PTRH2: variants seen among roughly 807,000 people sequenced by gnomAD.
The protein encoded by PTRH2 is peptidyl-tRNA hydrolase 2.
In PTRH2, 10 loss-of-function variants were observed where a neutral mutation model predicts 12.3. The observed-to-expected ratio is 0.81, with a 90% CI of 0.50 to 1.38. The LOEUF (loss-of-function observed/expected upper bound fraction) is 1.38, where lower values mean the gene tolerates loss of function less well. Among genes scored for constraint, PTRH2 ranks in the 40% most tolerant of loss-of-function variants. The pLI, the probability that PTRH2 is intolerant of heterozygous loss-of-function variation, is 0.00. For missense variants in PTRH2, 176 were observed against 214.1 expected, an observed-to-expected ratio of 0.82 and a Z score of 1.11; for synonymous variants, 73 against 77.4, an observed-to-expected ratio of 0.94 and a Z score of 0.30.
At chr17:59,698,226 T>C in intron 1 of PTRH2, 1 of 514,382 alleles carries the variant, frequency 1.9e-6, no homozygotes, top group Non-Finnish European at 3.4e-6. Flanking sequence ...CGAAGTTGCA[T>C]AAAGTTCAAA....
At chr17:59,698,760 T>A (rs2033498867) in intron 1 of PTRH2, 1 of 658,176 alleles carries the variant, frequency 1.5e-6, no homozygotes, top group South Asian at 1.7e-5. Context: ...TACATTAGCC[T>A]ACAGTTGGAC....
chr17:59,704,930 G>A (rs1458179278), intron 1 of PTRH2, among the ~76,000 whole-genome samples: 3 of 152,116 alleles, frequency 2.0e-5, no homozygotes, highest in Non-Finnish European at 4.4e-5. Context: ...TGGGATTACA[G>A]GCACCCGCCA....
chr17:59,699,473 C>T (rs560043248), intron 1 of PTRH2: 1 of 154,068 alleles, frequency 6.5e-6, no homozygotes, highest in South Asian at 2.0e-4. Flanking sequence ...AGCGCTGGAA[C>T]CATCCATGAC....
chr17:59,698,134 C>G, intron 1 of PTRH2, 156 bp from the exon 2 acceptor site: 1 of 695,306 alleles, frequency 1.4e-6, no homozygotes, highest in Non-Finnish European at 2.4e-6. Context: ...TTTCCAACAC[C>G]CTCTTGCCCA....
chr17:59,698,002 T>C (rs778254158), intron 1 of PTRH2, 24 bp from the exon 2 acceptor site: 3 of 1,598,814 alleles, frequency 1.9e-6, no homozygotes, highest in Non-Finnish European at 2.6e-6. Flanking sequence ...AAAACAGTTA[T>C]CACTATCCGG....
chr17:59,698,530 A>G (rs929625225), intron 1 of PTRH2: 2 of 244,286 alleles, frequency 8.2e-6, no homozygotes, highest in Non-Finnish European at 1.6e-5. Context: ...AGTGCAGCTG[A>G]AAAACTTAAT....
At chr17:59,698,789 G>A in intron 1 of PTRH2, 1 of 682,480 alleles carries the variant, frequency 1.5e-6, no homozygotes, top group Non-Finnish European at 2.7e-6. Flanking sequence ...TCTAACACGA[G>A]GCTCTTTTAT....
At chr17:59,703,348 T>G (rs1322316507) in intron 1 of PTRH2, among the ~76,000 whole-genome samples, 3 of 152,146 alleles carry the variant, frequency 2.0e-5, no homozygotes, top group South Asian at 4.2e-4. Context: ...ACTTTCAATT[T>G]ATGATGGGTT....
chr17:59,706,951 G>A (rs1049973066), intron 1 of PTRH2, among the ~76,000 whole-genome samples: 2 of 152,162 alleles, frequency 1.3e-5, no homozygotes, highest in African/African-American at 4.8e-5. Flanking sequence ...GGGATTACAG[G>A]CGTCAGCCAC....
At chr17:59,701,577 T>TA (rs2033554120) in intron 1 of PTRH2, among the ~76,000 whole-genome samples, 1 of 152,222 alleles carries the variant, frequency 6.6e-6, no homozygotes, top group Non-Finnish European at 1.5e-5. Flanking sequence ...ATCTAAGGGA[T>TA]ACAGGAGTGC....
intron 1 of PTRH2, chr17:59,698,947 A>T: frequency 2.8e-6 from 2 of 711,778 alleles, no homozygotes; most frequent in Non-Finnish European, 5.2e-6. Context: ...TTGCTGGATG[A>T]TGGGGATGCA....
At chr17:59,699,056 G>A (rs531458521) in intron 1 of PTRH2, 2 of 575,918 alleles carry the variant, frequency 3.5e-6, no homozygotes, top group African/African-American at 1.9e-5. Context: ...CAAGCATAGT[G>A]TTGTTCTTCA....
intron 1 of PTRH2, chr17:59,707,087 T>G (rs1051707822): frequency 9.2e-5 from 14 of 152,160 alleles, no homozygotes; most frequent in African/African-American, 2.7e-4. Context: ...TGCTCGCTAT[T>G]TTATCAATTT....
intron 1 of PTRH2, among the ~76,000 whole-genome samples, chr17:59,705,515 G>T (rs2033624778): frequency 6.6e-6 from 1 of 152,034 alleles, no homozygotes; most frequent in Non-Finnish European, 1.5e-5. Flanking sequence ...AAACTCCTGG[G>T]CTTAAGCAAT....
chr17:59,699,757 G>A (rs1478976622), intron 1 of PTRH2: 1 of 153,188 alleles, frequency 6.5e-6, no homozygotes, highest in Non-Finnish European at 1.5e-5. Flanking sequence ...GATTGCCAAA[G>A]TCCTAACTCA....
chr17:59,698,256 C>T (rs1238598580), intron 1 of PTRH2: 1 of 442,426 alleles, frequency 2.3e-6, no homozygotes. Flanking sequence ...CCTCAGTCTT[C>T]CCTTAGTCTT....
chr17:59,697,528 T>TCTGAGTA lies in PTRH2; in HGVS notation c.444_450dup (p.Ile151TyrfsTer22). On this transcript the variant is annotated frameshift_variant, in exon 2 of 2. Transcript: ENST00000393038. LOFTEE classifies it high-confidence loss of function. ...AGGACAGTTTGAGAGCCTGGTGCAA[T>TCTGAGTA]CTGAGTACGTCCAGCATCTTGAATT... is the stretch of plus-strand genomic sequence containing the variant. 6.2e-7 allele frequency: 1 copy of TCTGAGTA among 1,614,184 alleles called. No individual in the cohort carries two copies. Among genetic ancestry groups the TCTGAGTA allele is most frequent in the Non-Finnish European group, 8.5e-7 (1 of 1,180,036 alleles).
intron 1 of PTRH2, chr17:59,700,246 G>A (rs775420330): frequency 2.0e-5 from 3 of 152,102 alleles, no homozygotes; most frequent in South Asian, 4.2e-4. Context: ...TTGCTACTTC[G>A]GCAAAGCTGT....
Position 59,697,385 on chromosome 17 carries a change from C to CT in PTRH2, c.*53dup. The CT allele has an allele frequency of 1.3e-6, 2 of 1,511,712 alleles. No individual in the cohort carries two copies. Among genetic ancestry groups the CT allele is most frequent in the South Asian group, 2.6e-5 (2 of 77,512 alleles). The allele number at this position is 1,511,712 out of a possible 1,614,324, so 93.6% of individuals were successfully genotyped here. ...GAAATTCAGCTTTTGTTGTTAGAAT[C>CT]TGACAGGCTTCAAACACTTGTGATG... On this transcript the variant is annotated 3_prime_UTR_variant, in exon 2 of 2. Coordinates refer to ENST00000393038, the MANE Select transcript of PTRH2 (RefSeq NM_016077.5).
Sources: gnomAD v4.1 joint callset for allele counts (sites outside exome capture counted in the v4.1 genomes callset) on GRCh38, gnomAD v4.1.1 for gene constraint, MANE v1.5 for transcripts, NCBI Gene and HGNC (gene_info 2026-07-23, HGNC 2026-07-21) for gene names.